The following PAK5 variants were observed in gnomAD, a reference collection of about 807,000 sequenced individuals.
The protein encoded by PAK5 is p21 (RAC1) activated kinase 5.
Under a neutral mutation model 65.9 loss-of-function variants are expected in PAK5, and 16 were observed. The ratio of observed to expected loss-of-function variants is 0.24; its 90% CI spans 0.16 to 0.37. The LOEUF (loss-of-function observed/expected upper bound fraction) is 0.37, where lower values mean the gene tolerates loss of function less well. PAK5 is among the 10% of genes least tolerant of loss of function. The probability of loss-of-function intolerance (pLI) is 1.00; values close to 1 mark genes in which losing one functional copy is unlikely to be tolerated. For synonymous variants in PAK5, 371 were observed against 354.9 expected, an observed-to-expected ratio of 1.05 and a Z score of -0.51; for missense variants, 785 against 903.9, an observed-to-expected ratio of 0.87 and a Z score of 1.69.
chr20:9,732,632 A>C (rs910467002), intron 1 of PAK5, among the ~76,000 whole-genome samples: 1 of 112,786 alleles, frequency 8.9e-6, no homozygotes, highest in Non-Finnish European at 1.9e-5. Context: ...CACTTGGTAC[A>C]TACATACCCA....
chr20:9,754,989 CAT>C (rs979216557), intron 1 of PAK5, among the ~76,000 whole-genome samples: 1 of 152,134 alleles, frequency 6.6e-6, no homozygotes, highest in African/African-American at 2.4e-5. Context: ...GAAAATAAAA[CAT>C]ATGATTTTAA....
intron 7 of PAK5, among the ~76,000 whole-genome samples, chr20:9,550,359 T>A (rs1352776533): frequency 6.6e-6 from 1 of 152,002 alleles, no homozygotes; most frequent in Non-Finnish European, 1.5e-5. Context: ...TGGTCACCAG[T>A]CCAGGTAGCA....
At chr20:9,757,497 T>C (rs987139939) in intron 1 of PAK5, among the ~76,000 whole-genome samples, 3 of 152,198 alleles carry the variant, frequency 2.0e-5, no homozygotes, top group Admixed American at 1.3e-4. Flanking sequence ...CAGTCTTTAA[T>C]AAGATTTTAA....
intron 1 of PAK5, among the ~76,000 whole-genome samples, chr20:9,724,309 G>A (rs1040386380): frequency 5.9e-5 from 9 of 152,122 alleles, no homozygotes; most frequent in Admixed American, 2.6e-4. Flanking sequence ...CAAGGCACTC[G>A]TTTTCTTTGA....
chr20:9,677,006 T>C (rs148269611), intron 2 of PAK5, among the ~76,000 whole-genome samples: 1 of 151,682 alleles, frequency 6.6e-6, no homozygotes, highest in Admixed American at 6.6e-5. Context: ...AAATATGTTT[T>C]CCTGAAAACC....
At chr20:9,666,432 C>A (rs538455714) in intron 2 of PAK5, among the ~76,000 whole-genome samples, 1,025 of 100,416 alleles carry the variant, frequency 0.01, 13 homozygotes, top group African/African-American at 0.044. Flanking sequence ...CAGCAAAAGG[C>A]GGAATGAAAA....
At chr20:9,729,312 A>C (rs2048310181) in intron 1 of PAK5, among the ~76,000 whole-genome samples, 1 of 152,178 alleles carries the variant, frequency 6.6e-6, no homozygotes, top group African/African-American at 2.4e-5. Flanking sequence ...GAGATTTCAC[A>C]TAAAACTTCT....
At chr20:9,568,490 C>T (rs2123012259) in intron 4 of PAK5, among the ~76,000 whole-genome samples, 1 of 152,270 alleles carries the variant, frequency 6.6e-6, no homozygotes, top group East Asian at 1.9e-4. Flanking sequence ...TAATCAGCTT[C>T]CAAATTGCTC....
At chr20:9,611,885 G>T (rs74918806) in intron 3 of PAK5, among the ~76,000 whole-genome samples, 2 of 152,132 alleles carry the variant, frequency 1.3e-5, no homozygotes, top group African/African-American at 4.8e-5. Context: ...ACTCACTTTT[G>T]TCCCTTTCCT....
intron 1 of PAK5, among the ~76,000 whole-genome samples, chr20:9,802,910 G>GTGTGTA (rs142279832): frequency 0.035 from 1,646 of 46,420 alleles, 136 homozygotes; most frequent in East Asian, 0.21. Context: ...ATATGTATGT[G>GTGTGTA]TATATATATA....
At chr20:9,691,321 T>TCCTCA (rs2047794198) in intron 2 of PAK5, among the ~76,000 whole-genome samples, 1 of 151,924 alleles carries the variant, frequency 6.6e-6, no homozygotes, top group Non-Finnish European at 1.5e-5. Flanking sequence ...ACTCAGACGG[T>TCCTCA]GGTGGGAGAG....
At chr20:9,658,055 C>T (rs774357677) in intron 2 of PAK5, among the ~76,000 whole-genome samples, 30 of 152,240 alleles carry the variant, frequency 2.0e-4, no homozygotes, top group Admixed American at 7.2e-4. Flanking sequence ...AGTCTTTTAG[C>T]GAAGTAGGGT....
chr20:9,637,721 A>T (rs548348116), intron 3 of PAK5, among the ~76,000 whole-genome samples: 27 of 152,348 alleles, frequency 1.8e-4, no homozygotes, highest in Middle Eastern at 3.4e-3. Context: ...GAGATTATAT[A>T]CATTATGACA....
intron 3 of PAK5, among the ~76,000 whole-genome samples, chr20:9,625,009 A>G (rs770236863): frequency 6.6e-6 from 1 of 152,218 alleles, no homozygotes; most frequent in Non-Finnish European, 1.5e-5. Flanking sequence ...GGCCATTTAC[A>G]TCTACAAGTA....
chr20:9,539,552 T>TA lies in PAK5; in HGVS notation c.2069_2070insT (p.Ala691SerfsTer36). ...ATGGATGTCCGAGGAGTTCCTGGGC[T>TA]GTTGCTCTCTGAGAGGGCTCCCTCA... is the stretch of plus-strand genomic sequence containing the variant. On this transcript the variant is annotated frameshift_variant, in exon 10 of 10. Coordinates refer to ENST00000353224, the MANE Select transcript of PAK5 (RefSeq NM_177990.4). LOFTEE classifies it high-confidence loss of function. 1 of 1,613,800 alleles carries TA rather than the reference T, an allele frequency of 6.2e-7. No homozygotes were observed. The highest frequency in any genetic ancestry group is 8.5e-7 in the Non-Finnish European group (1 of 1,179,880).
chr20:9,634,614 A>G (rs868639782), intron 3 of PAK5, among the ~76,000 whole-genome samples: 1 of 152,210 alleles, frequency 6.6e-6, no homozygotes, highest in Non-Finnish European at 1.5e-5. Flanking sequence ...AAAAATAACC[A>G]CATTAATATA....
At chr20:9,618,455 G>A (rs1417363876) in intron 3 of PAK5, among the ~76,000 whole-genome samples, 2 of 146,762 alleles carry the variant, frequency 1.4e-5, no homozygotes, top group Non-Finnish European at 3.0e-5. Context: ...CACCCAGGCT[G>A]GAGTGTAATG....
At chr20:9,542,542 T>C (rs1468266417) in intron 9 of PAK5, 44 bp downstream of exon 9, 2 of 1,609,742 alleles carry the variant, frequency 1.2e-6, no homozygotes, top group African/African-American at 2.7e-5. Context: ...TACAGGAAAA[T>C]CCAAAAACTA....
intron 3 of PAK5, among the ~76,000 whole-genome samples, chr20:9,628,563 T>C (rs867702196): frequency 6.6e-6 from 1 of 152,264 alleles, no homozygotes; most frequent in Non-Finnish European, 1.5e-5. Context: ...CATTTGTCTT[T>C]ACAATTCTTT....
Sources: gnomAD v4.1 joint callset for allele counts (sites outside exome capture counted in the v4.1 genomes callset) on GRCh38, gnomAD v4.1.1 for gene constraint, MANE v1.5 for transcripts, NCBI Gene and HGNC (gene_info 2026-07-23, HGNC 2026-07-21) for gene names.